CCAR1: variants seen among roughly 807,000 people sequenced by gnomAD.
CCAR1 encodes the protein cell division cycle and apoptosis regulator protein 1.
CCAR1 carries 78 observed loss-of-function variants against 163.8 expected under a neutral mutation model. The observed-to-expected ratio is 0.48, with a 90% CI of 0.40 to 0.57. The LOEUF is 0.57. CCAR1 is among the 20% of genes least tolerant of loss of function. The pLI, the probability that CCAR1 is intolerant of heterozygous loss-of-function variation, is 0.00. For synonymous variants in CCAR1, 443 were observed against 460.7 expected (o/e 0.96, Z 0.49); for missense variants, 1,019 against 1,365.2 (o/e 0.75, Z 4.00).
intron 6 of CCAR1, among the ~76,000 whole-genome samples, chr10:68,745,487 G>A (rs1163149): frequency 0.94 from 139,967 of 149,676 alleles, 65,545 homozygotes; most frequent in East Asian, 0.99. Flanking sequence ...TTTGGAGACC[G>A]AGTTTCGCTC....
At position 68,737,825 on chromosome 10, in the gene CCAR1, A is replaced by C. The variant is rs201300175; in HGVS notation, c.247-20A>C. The C allele has an allele frequency of 6.6e-7, 1 of 1,516,150 alleles. No homozygotes were observed. Among genetic ancestry groups the C allele is most frequent in the Non-Finnish European group, 9.0e-7 (1 of 1,111,670 alleles). 93.9% of individuals were successfully genotyped at this position (1,516,150 alleles called of 1,614,324 possible). A position where few individuals can be genotyped will look rare whatever the true frequency, so the allele number is the denominator to read the frequency against. On this transcript the variant is annotated intron_variant, in intron 3 of 24. Transcript: ENST00000265872. ...TAGTGTCTGTATTTTTCTTTGAAAA[A>C]TTTTTTTTTAATCTTTCAGCAATAT...
chr10:68,789,579 G>T (rs1176374970), intron 23 of CCAR1, 131 bp from the exon 24 acceptor site: 2 of 613,674 alleles, frequency 3.3e-6, no homozygotes, highest in Non-Finnish European at 5.8e-6. Context: ...TATGACTAAT[G>T]AAATTGACAG....
At chr10:68,744,895 A>C (rs940616923) in intron 6 of CCAR1, among the ~76,000 whole-genome samples, 1 of 149,998 alleles carries the variant, frequency 6.7e-6, no homozygotes, top group Admixed American at 6.7e-5. Context: ...GCTGGAGTGC[A>C]GTGTTGCGAT....
At chr10:68,739,920 T>C (rs2056161541) in intron 4 of CCAR1, among the ~76,000 whole-genome samples, 1 of 152,212 alleles carries the variant, frequency 6.6e-6, no homozygotes, top group African/African-American at 2.4e-5. Flanking sequence ...TATTTCAGAA[T>C]TTTAAAATTT....
chr10:68,722,648 G>A (rs1193225929), intron 2 of CCAR1, 71 bp downstream of exon 2: 8 of 1,216,272 alleles, frequency 6.6e-6, no homozygotes, highest in African/African-American at 1.5e-5. Flanking sequence ...ATTAGGGCCG[G>A]GGGTGGTGGC....
intron 17 of CCAR1, among the ~76,000 whole-genome samples, chr10:68,768,576 AC>A (rs1195785432): frequency 6.6e-6 from 1 of 152,240 alleles, no homozygotes; most frequent in Non-Finnish European, 1.5e-5. Flanking sequence ...GTGCCACTGC[AC>A]TGCAGCCTGG....
At chr10:68,765,016 C>T (rs960898339) in intron 16 of CCAR1, among the ~76,000 whole-genome samples, 1 of 152,214 alleles carries the variant, frequency 6.6e-6, no homozygotes, top group African/African-American at 2.4e-5. Context: ...TAGTTTCTTT[C>T]AGATAGCTTT....
Position 68,756,227 on chromosome 10 carries a change from T to TC in CCAR1, c.1626-46_1626-45insC. Reference sequence around the variant, plus strand: ...TACAAGTGAACTAGGGTCTTTAAAATGTATTTTAGAATTTTTTTTCCAACA... The same window carrying TC: ...TACAAGTGAACTAGGGTCTTTAAAATCGTATTTTAGAATTTTTTTTCCAACA... On this transcript the variant is annotated intron_variant, in intron 13 of 24. Transcript: ENST00000265872. The surrounding 1 kb of genome is among the most constrained non-coding windows in gnomAD (Gnocchi z 5.1). The TC allele has an allele frequency of 6.7e-7, 1 of 1,500,578 alleles. No individual in the cohort carries two copies. The highest frequency in any genetic ancestry group is 9.2e-7 in the Non-Finnish European group (1 of 1,083,428). The allele number at this position is 1,500,578 out of a possible 1,614,324, so 93.0% of individuals were successfully genotyped here.
At chr10:68,754,680 C>CTTTTGACAGGATTGAATT in intron 11 of CCAR1, 34 bp from the exon 12 acceptor site, 1 of 1,130,016 alleles carries the variant, frequency 8.8e-7, no homozygotes, top group Non-Finnish European at 1.3e-6. Context: ...TTACTTTAGA[C>CTTTTGACAGGATTGAATT]TTTTGACAGG....
At chr10:68,731,810 C>G (rs2133311022) in intron 2 of CCAR1, among the ~76,000 whole-genome samples, 1 of 152,046 alleles carries the variant, frequency 6.6e-6, no homozygotes, top group Non-Finnish European at 1.5e-5. Flanking sequence ...AGGCTGGTCT[C>G]AAACTCCTGA....
chr10:68,784,915 C>CTTT (rs754185332), intron 19 of CCAR1, among the ~76,000 whole-genome samples: 14 of 124,750 alleles, frequency 1.1e-4, no homozygotes, highest in African/African-American at 2.6e-4. Context: ...GTGAACATAA[C>CTTT]TTTTTTTTTT....
Position 68,775,687 on chromosome 10 carries a change from C to CTTTTTTTTTT in CCAR1, c.2650+2606_2650+2615dup, listed in dbSNP as rs71028782. Among the ~76,000 whole-genome samples, 10 of 51,762 alleles carry CTTTTTTTTTT rather than the reference C, an allele frequency of 1.9e-4. 2 individuals carry two copies. The highest frequency in any genetic ancestry group is 8.5e-4 in the African/African-American group (10 of 11,776). The allele number at this position is 51,762 out of a possible 152,430, so 34.0% of individuals were successfully genotyped here. On this transcript the variant is annotated intron_variant, in intron 19 of 24. Transcript: ENST00000265872. ...ACCACGCCCAGCTAATTTTTCTTTT[C>CTTTTTTTTTT]TTTTTTTTTTTTTTTTTTTTTTTTT...
In CCAR1 at chr10:68,788,010, C is replaced by T. The variant is rs763003253; in HGVS notation, c.2964C>T (p.Asn988=). The T allele has an allele frequency of 6.2e-7, 1 of 1,612,356 alleles. No individual in the cohort carries two copies. ...CAGACACCTCAAAAGATGAAGAGAA[C>T]CATGAAGAGTCTGAGTCATTGCAGG... ...KLTDTSKDEE[N]HEESESLQED... Residue 988 remains asparagine, a synonymous_variant, in exon 22 of 25, where the codon AAC becomes AAT. Transcript: ENST00000265872.
chr10:68,755,589 G>A, intron 13 of CCAR1, 53 bp downstream of exon 13: 1 of 1,471,922 alleles, frequency 6.8e-7, no homozygotes. Flanking sequence ...AGTTTATGTA[G>A]TTGTTCTTAT....
rs1193374696 is a variant in CCAR1, at chr10:68,753,956, C to T, written c.1223C>T (p.Ser408Leu). The T allele has an allele frequency of 6.2e-7, 1 of 1,613,930 alleles. No homozygotes were observed. The highest frequency in any genetic ancestry group is 1.1e-5 in the South Asian group (1 of 91,080). ...QFTWVDAFPL[S>L]RPFQLGNYCN... ...ACATGGGTGGATGCTTTCCCTTTGTCAAGACCATTTCAGCTGGGAAATTAC... is the reference window on the plus strand; with the variant it reads ...ACATGGGTGGATGCTTTCCCTTTGTTAAGACCATTTCAGCTGGGAAATTAC... The change falls in exon 11 of 25, where the codon TCA (serine) becomes TTA (leucine). Residue 408 changes from serine (S) to leucine (L), a missense_variant. By Grantham distance (145) the Ser-to-Leu change is moderately radical. Coordinates refer to ENST00000265872, the MANE Select transcript of CCAR1 (RefSeq NM_018237.4).
chr10:68,734,060 T>C (rs993684511), intron 2 of CCAR1, among the ~76,000 whole-genome samples: 4 of 152,184 alleles, frequency 2.6e-5, no homozygotes, highest in Non-Finnish European at 5.9e-5. Flanking sequence ...TGTTTCTTTC[T>C]TATTTTGTTA....
intron 19 of CCAR1, among the ~76,000 whole-genome samples, chr10:68,784,741 C>T (rs1167760070): frequency 6.6e-6 from 1 of 151,740 alleles, no homozygotes; most frequent in Non-Finnish European, 1.5e-5. Flanking sequence ...TTGTAGAGAC[C>T]GGGTCTCATT....
At chr10:68,770,258 G>A (rs992797265) in intron 17 of CCAR1, among the ~76,000 whole-genome samples, 2 of 152,084 alleles carry the variant, frequency 1.3e-5, no homozygotes, top group African/African-American at 2.4e-5. Flanking sequence ...GGCAGCCCTA[G>A]AACCAGAATA....
chr10:68,789,707 C>T lies in CCAR1; in HGVS notation c.3188-3C>T. The T allele has an allele frequency of 2.0e-6, 3 of 1,518,730 alleles. No homozygotes were observed. The highest frequency in any genetic ancestry group is 8.8e-7 in the Non-Finnish European group (1 of 1,130,366). The allele number at this position is 1,518,730 out of a possible 1,614,324, so 94.1% of individuals were successfully genotyped here. A position where few individuals can be genotyped will look rare whatever the true frequency, so the allele number is the denominator to read the frequency against. On this transcript the variant is annotated splice_polypyrimidine_tract_variant and splice_region_variant and intron_variant, in intron 23 of 24. Transcript: ENST00000265872. ...ATGTTAATTTTTGGATTTTTTTAAA[C>T]AGATGAAGATGAAAAAACCATATTA...
Sources: allele counts gnomAD v4.1 joint callset (sites outside exome capture counted in the v4.1 genomes callset), GRCh38; gene constraint gnomAD v4.1.1; non-coding constraint Gnocchi (gnomAD v3.1); transcripts MANE v1.5; gene names NCBI Gene and HGNC (gene_info 2026-07-23, HGNC 2026-07-21).